Variants in TRAPPC9 observed in about 807,000 individuals in gnomAD.
The protein encoded by TRAPPC9 is trafficking protein particle complex subunit 9, also known as IKK2 binding protein.
TRAPPC9 carries 83 observed loss-of-function variants against 124.0 expected under a neutral mutation model. The ratio of observed to expected loss-of-function variants is 0.67; its 90% CI spans 0.56 to 0.80. TRAPPC9 has a LOEUF of 0.80. Among genes scored for constraint, TRAPPC9 ranks in the 30% least tolerant of loss-of-function variants. The probability of loss-of-function intolerance (pLI) is 0.00; values close to 1 mark genes in which losing one functional copy is unlikely to be tolerated. For missense variants in TRAPPC9, 1,302 were observed against 1,508.3 expected, an observed-to-expected ratio of 0.86 and a Z score of 2.27; for synonymous variants, 638 against 617.5, an observed-to-expected ratio of 1.03 and a Z score of -0.49.
At position 139,942,799 on chromosome 8, in the gene TRAPPC9, G is replaced by A. The variant is rs79436283; in HGVS notation, c.2811-32499C>T. On this transcript the variant is annotated intron_variant, in intron 19 of 22. Transcript: ENST00000438773. Reference sequence around the variant, plus strand: ...TGAGGACAGGCCGAGTCAGCACCACGTGGAAACGAAAGCTCGGGGAGAGAC... The same window carrying A: ...TGAGGACAGGCCGAGTCAGCACCACATGGAAACGAAAGCTCGGGGAGAGAC... Among the ~76,000 whole-genome samples, 6 of 152,322 alleles carry A rather than the reference G, an allele frequency of 3.9e-5. No individual in the cohort carries two copies. The East Asian group carries it at 5.8e-4, about 15-fold the overall frequency.
At chr8:139,843,290 G>A (rs1826857809) in intron 21 of TRAPPC9, among the ~76,000 whole-genome samples, 1 of 152,202 alleles carries the variant, frequency 6.6e-6, no homozygotes, top group South Asian at 2.1e-4. Context: ...GAGCCAGCAG[G>A]AGGGCGGCAG....
chr8:140,454,822 C>G (rs1043822510), intron 1 of TRAPPC9, among the ~76,000 whole-genome samples: 2 of 151,472 alleles, frequency 1.3e-5, no homozygotes, highest in East Asian at 1.9e-4. Flanking sequence ...ACCTATAATT[C>G]CAGCTACTTG....
intron 6 of TRAPPC9, among the ~76,000 whole-genome samples, chr8:140,403,459 T>A (rs1333529418): frequency 1.3e-5 from 2 of 151,568 alleles, no homozygotes; most frequent in Admixed American, 6.6e-5. Context: ...TTTCTAAGCA[T>A]AATGCCAAAC....
intron 20 of TRAPPC9, among the ~76,000 whole-genome samples, chr8:139,902,556 A>G (rs1381177356): frequency 6.6e-6 from 1 of 152,276 alleles, no homozygotes; most frequent in African/African-American, 2.4e-5. Context: ...AATCAGCTGT[A>G]CTGATGGCAG....
At chr8:140,438,484 C>A (rs2070895138) in intron 3 of TRAPPC9, among the ~76,000 whole-genome samples, 1 of 152,016 alleles carries the variant, frequency 6.6e-6, no homozygotes, top group South Asian at 2.1e-4. Context: ...AAGCAGAGGG[C>A]AAGGTATACT....
chr8:139,774,239 G>A (rs1009032947), intron 21 of TRAPPC9, among the ~76,000 whole-genome samples: 9 of 152,192 alleles, frequency 5.9e-5, no homozygotes, highest in African/African-American at 2.2e-4. Flanking sequence ...CAGGCCACTC[G>A]GGCTGCCCTG....
intron 21 of TRAPPC9, among the ~76,000 whole-genome samples, chr8:139,835,930 T>A (rs985122774): frequency 3.3e-5 from 5 of 152,188 alleles, no homozygotes; most frequent in African/African-American, 4.8e-5. Flanking sequence ...TATATCTATA[T>A]CTACCTACCC....
chr8:139,972,600 AAGACACGACCTGGGCCCC>A (rs1314927031), intron 19 of TRAPPC9, among the ~76,000 whole-genome samples: 1 of 152,124 alleles, frequency 6.6e-6, no homozygotes, highest in African/African-American at 2.4e-5. Flanking sequence ...CAACTCACAC[AAGACACGACCTGGGCCCC>A]AGACACCACA....
At chr8:140,229,251 C>CTTTTT (rs528175891) in intron 16 of TRAPPC9, among the ~76,000 whole-genome samples, 1,611 of 98,496 alleles carry the variant, frequency 0.016, 9 homozygotes, top group Non-Finnish European at 0.021. Flanking sequence ...TTTTCTTTTT[C>CTTTTT]TTTTTTTTTT....
At position 140,272,122 on chromosome 8, in the gene TRAPPC9, G is replaced by GATAGTGATT. The variant is rs1221172331; in HGVS notation, c.2278+3535_2278+3536insAATCACTAT. On this transcript the variant is annotated intron_variant, in intron 15 of 22. Transcript: ENST00000438773. ...AGGTGATTGTGGTGGTGGCAATGGT[G>GATAGTGATT]ATGGTGGCGATGGTGATGGTGATGG... Among the ~76,000 whole-genome samples, 540 of 147,776 alleles carry GATAGTGATT rather than the reference G, an allele frequency of 3.7e-3. 3 individuals carry two copies. Among genetic ancestry groups the GATAGTGATT allele is most frequent in the African/African-American group, 0.011 (446 of 39,102 alleles).
chr8:139,866,790 A>G (rs188625437), intron 21 of TRAPPC9, among the ~76,000 whole-genome samples: 2 of 152,074 alleles, frequency 1.3e-5, no homozygotes, highest in East Asian at 3.9e-4. Context: ...GTCTATTTCT[A>G]TTCATATGTA....
chr8:139,838,663 G>A (rs1226650120), intron 21 of TRAPPC9, among the ~76,000 whole-genome samples: 1 of 152,112 alleles, frequency 6.6e-6, no homozygotes, highest in Non-Finnish European at 1.5e-5. Flanking sequence ...TGTGATGACG[G>A]GTGGGTGGCA....
chr8:140,413,226 T>C (rs1405138413), intron 5 of TRAPPC9, among the ~76,000 whole-genome samples: 1 of 152,012 alleles, frequency 6.6e-6, no homozygotes, highest in African/African-American at 2.4e-5. Flanking sequence ...CCATCTCTAC[T>C]AAAAATACAA....
intron 14 of TRAPPC9, among the ~76,000 whole-genome samples, chr8:140,279,435 G>C (rs779169699): frequency 6.6e-6 from 1 of 152,172 alleles, no homozygotes; most frequent in Admixed American, 6.5e-5. Flanking sequence ...TCAAAGAATA[G>C]TCACATTTTA....
intron 14 of TRAPPC9, among the ~76,000 whole-genome samples, chr8:140,281,117 T>C (rs2065306956): frequency 6.6e-6 from 1 of 152,248 alleles, no homozygotes; most frequent in Admixed American, 6.5e-5. Context: ...CAGGTTTCTG[T>C]GTCAACATAT....
At position 139,892,093 on chromosome 8, in the gene TRAPPC9, T is replaced by C. The variant is rs545385136; in HGVS notation, c.2965-6124A>G. Among the ~76,000 whole-genome samples the C allele has an allele frequency of 1.9e-3, 293 of 152,288 alleles. 1 individual carries two copies. The highest frequency in any genetic ancestry group is 6.9e-3 in the African/African-American group (287 of 41,582). ...GTGTGAATGGGCACATACCCATACA[T>C]GGGCCGCCACAAGCACATGCGCCGC... On this transcript the variant is annotated intron_variant, in intron 20 of 22. Coordinates refer to ENST00000438773, the MANE Select transcript of TRAPPC9 (RefSeq NM_001160372.4).
At chr8:140,386,568 T>C (rs1044103142) in intron 7 of TRAPPC9, among the ~76,000 whole-genome samples, 26 of 152,080 alleles carry the variant, frequency 1.7e-4, no homozygotes, top group African/African-American at 6.3e-4. Flanking sequence ...CATTCACAAT[T>C]GCTTCAAAGA....
intron 16 of TRAPPC9, among the ~76,000 whole-genome samples, chr8:140,228,948 G>A (rs1025840807): frequency 6.6e-6 from 1 of 152,166 alleles, no homozygotes; most frequent in Non-Finnish European, 1.5e-5. Flanking sequence ...CCAGCAGCAA[G>A]GGAAGTCATA....
chr8:139,910,058 A>T, intron 20 of TRAPPC9, 89 bp downstream of exon 20: 2 of 1,477,562 alleles, frequency 1.4e-6, no homozygotes, highest in South Asian at 2.5e-5. Flanking sequence ...GTGAAAATTC[A>T]ATAGCTAAGA....
Sources: gnomAD v4.1 joint callset for allele counts (sites outside exome capture counted in the v4.1 genomes callset) on GRCh38, gnomAD v4.1.1 for gene constraint, MANE v1.5 for transcripts, NCBI Gene and HGNC (gene_info 2026-07-23, HGNC 2026-07-21) for gene names.